PLXNA4: variants seen among roughly 807,000 people sequenced by gnomAD.
The protein encoded by PLXNA4 is plexin-A4.
In PLXNA4, 44 loss-of-function variants were observed where a neutral mutation model predicts 191.8. The ratio of observed to expected loss-of-function variants is 0.23; its 90% CI spans 0.18 to 0.29. The LOEUF (loss-of-function observed/expected upper bound fraction) is 0.29. Ranked by LOEUF, PLXNA4 falls within the 10% of genes least tolerant of loss-of-function variation. The pLI, the probability that PLXNA4 is intolerant of heterozygous loss-of-function variation, is 1.00. For missense variants in PLXNA4, 1,800 were observed against 2,488.8 expected (o/e 0.72, Z 5.89); for synonymous variants, 1,082 against 1,009.5 (o/e 1.07, Z -1.36).
intron 18 of PLXNA4, 88 bp from the exon 19 acceptor site, chr7:132,180,820 C>G: frequency 6.5e-7 from 1 of 1,541,960 alleles, no homozygotes; most frequent in Non-Finnish European, 8.8e-7. Flanking sequence ...CTGGAGGTCC[C>G]ATCCCGCTGG....
chr7:132,288,459 CT>C (rs1800763846), intron 4 of PLXNA4, among the ~76,000 whole-genome samples: 2 of 152,182 alleles, frequency 1.3e-5, no homozygotes, highest in Admixed American at 6.5e-5. Flanking sequence ...AATGGGAAGG[CT>C]CCCACCTGAG....
rs564373147 is a variant in PLXNA4, at chr7:132,551,907, T to C, written c.-87+24515A>G. Among the ~76,000 whole-genome samples the C allele has an allele frequency of 2.0e-5, 3 of 152,280 alleles. No individual in the cohort carries two copies. The South Asian group carries it at 6.2e-4, about 32-fold the overall frequency. On this transcript the variant is annotated intron_variant, in intron 1 of 31. Transcript: ENST00000321063. ...ACTCTCCTTTAAATGAACATACTAA[T>C]TAGTGTATTAATAAATAGCTGAATG...
chr7:132,314,395 G>A (rs1231967038), intron 3 of PLXNA4, among the ~76,000 whole-genome samples: 1 of 152,200 alleles, frequency 6.6e-6, no homozygotes, highest in African/African-American at 2.4e-5. Context: ...AGTGTGTGGT[G>A]TGGCCCCTTC....
At chr7:132,593,111 C>T (rs191852528) in intron 2 of PLXNA4, among the ~76,000 whole-genome samples, 195 of 152,322 alleles carry the variant, frequency 1.3e-3, no homozygotes, top group Non-Finnish European at 2.1e-3. Flanking sequence ...TAGCGCTTAT[C>T]TGTTTTGTTT....
At chr7:132,458,217 G>T (rs910484549) in intron 3 of PLXNA4, among the ~76,000 whole-genome samples, 1 of 151,726 alleles carries the variant, frequency 6.6e-6, no homozygotes, top group Admixed American at 6.6e-5. Flanking sequence ...CAGCCTACTA[G>T]AACCAAAAAG....
At chr7:132,522,935 T>C (rs961846670) in intron 1 of PLXNA4, among the ~76,000 whole-genome samples, 2 of 151,906 alleles carry the variant, frequency 1.3e-5, no homozygotes, top group Non-Finnish European at 2.9e-5. Context: ...CCTGTCACCT[T>C]GATAGGCCTT....
chr7:132,382,473 G>T (rs1585059797), intron 3 of PLXNA4, among the ~76,000 whole-genome samples: 1 of 152,182 alleles, frequency 6.6e-6, no homozygotes, highest in African/African-American at 2.4e-5. Context: ...AGGGATTCAA[G>T]TGAGATCCAA....
At chr7:132,272,163 G>A (rs1490237606) in intron 4 of PLXNA4, among the ~76,000 whole-genome samples, 1 of 152,124 alleles carries the variant, frequency 6.6e-6, no homozygotes, top group Non-Finnish European at 1.5e-5. Context: ...AGGAATCATC[G>A]CAAACATGTT....
At chr7:132,387,866 T>C (rs1805222906) in intron 3 of PLXNA4, among the ~76,000 whole-genome samples, 1 of 152,094 alleles carries the variant, frequency 6.6e-6, no homozygotes, top group Admixed American at 6.5e-5. Flanking sequence ...GCCGGAACCA[T>C]GTTCCTAATC....
intron 9 of PLXNA4, among the ~76,000 whole-genome samples, chr7:132,221,080 C>T (rs1273371174): frequency 6.6e-6 from 1 of 151,952 alleles, no homozygotes; most frequent in Admixed American, 6.6e-5. Flanking sequence ...AACTCCTGGA[C>T]TCAAGTGATC....
Position 132,563,571 on chromosome 7 carries a change from ATCC to A in PLXNA4, c.-87+12848_-87+12850del, listed in dbSNP as rs530169238. Among the ~76,000 whole-genome samples the A allele has an allele frequency of 8.7e-3, 185 of 21,208 alleles. 2 individuals carry two copies. The highest frequency in any genetic ancestry group is 0.078 in the South Asian group (37 of 472). The allele number at this position is 21,208 out of a possible 152,430, so 13.9% of individuals were successfully genotyped here. ...CCTTCTCCTACTCCTTCTCCTCTTC[ATCC>A]TCCTCCTCCTTCTCCTCATCCTTTC... On this transcript the variant is annotated intron_variant, in intron 1 of 31. Transcript: ENST00000321063.
intron 3 of PLXNA4, among the ~76,000 whole-genome samples, chr7:132,360,562 G>T (rs764053434): frequency 6.6e-6 from 1 of 152,166 alleles, no homozygotes; most frequent in African/African-American, 2.4e-5. Flanking sequence ...CAAGCATATA[G>T]CATACTCATG....
At chr7:132,185,609 G>A in intron 15 of PLXNA4, 146 bp from the exon 16 acceptor site, 3 of 1,269,680 alleles carry the variant, frequency 2.4e-6, no homozygotes, top group Non-Finnish European at 3.2e-6. Flanking sequence ...TGGAGAGCCA[G>A]TGACAAAGAC....
intron 2 of PLXNA4, among the ~76,000 whole-genome samples, chr7:132,614,149 CT>C (rs1803106594): frequency 1.3e-5 from 2 of 152,164 alleles, no homozygotes; most frequent in Admixed American, 1.3e-4. Flanking sequence ...GTAAAATTAA[CT>C]TTTTAAAATT....
intron 28 of PLXNA4, among the ~76,000 whole-genome samples, chr7:132,146,158 G>C (rs563431530): frequency 6.6e-6 from 1 of 151,230 alleles, no homozygotes; most frequent in Non-Finnish European, 1.5e-5. Context: ...CCCAACTTGA[G>C]ATTGTAGATG....
chr7:132,207,592 G>A (rs540681375), intron 10 of PLXNA4, among the ~76,000 whole-genome samples: 17 of 152,296 alleles, frequency 1.1e-4, no homozygotes, highest in South Asian at 2.1e-4. Flanking sequence ...GCCTGTCCCC[G>A]CATAATGGGG....
intron 3 of PLXNA4, among the ~76,000 whole-genome samples, chr7:132,303,564 G>A (rs549975473): frequency 3.8e-4 from 58 of 152,062 alleles, no homozygotes; most frequent in Non-Finnish European, 3.8e-4. Context: ...GCAAGACTCC[G>A]TCTCAAAAAA....
chr7:132,207,621 C>T (rs1207570763), intron 10 of PLXNA4, among the ~76,000 whole-genome samples: 1 of 152,244 alleles, frequency 6.6e-6, no homozygotes, highest in Non-Finnish European at 1.5e-5. Flanking sequence ...GGCTCCACCA[C>T]CCCAACCCAG....
chr7:132,126,818 A>C lies in PLXNA4; in HGVS notation c.*3661T>G, dbSNP rs1406066380. 2 of 152,210 alleles carry C rather than the reference A, an allele frequency of 1.3e-5. No individual in the cohort carries two copies. Among genetic ancestry groups the C allele is most frequent in the Non-Finnish European group, 2.9e-5 (2 of 68,044 alleles). The allele number at this position is 152,210 out of a possible 1,614,324, so 9.4% of individuals were successfully genotyped here. ...AGGGATCATGCTGCCATTGGAATGT[A>C]CCTTGGCCTGTGGGACACTTGGGTT... On this transcript the variant is annotated 3_prime_UTR_variant, in exon 32 of 32. Coordinates refer to ENST00000321063, the MANE Select transcript of PLXNA4 (RefSeq NM_020911.2).
Sources: gnomAD v4.1 joint callset for allele counts (sites outside exome capture counted in the v4.1 genomes callset) on GRCh38, gnomAD v4.1.1 for gene constraint, MANE v1.5 for transcripts, NCBI Gene and HGNC (gene_info 2026-07-23, HGNC 2026-07-21) for gene names.